PMM2: variants seen among roughly 807,000 people sequenced by gnomAD.
PMM2 encodes the protein phosphomannomutase 2.
In PMM2, 35 loss-of-function variants were observed where a neutral mutation model predicts 33.2. That is an observed-to-expected ratio of 1.06 (90% confidence interval 0.81 to 1.40). PMM2 has a LOEUF of 1.40. Among genes scored for constraint, PMM2 ranks in the 40% most tolerant of loss-of-function variants. The pLI is 0.00. For synonymous variants in PMM2, 153 were observed against 114.7 expected, an observed-to-expected ratio of 1.33 and a Z score of -2.13; for missense variants, 386 against 306.0, an observed-to-expected ratio of 1.26 and a Z score of -1.95.
Position 8,847,763 on chromosome 16 carries a change from A to G in PMM2, c.679A>G (p.Met227Val), listed in dbSNP as rs1472022080. 1 of 1,614,000 alleles carries G rather than the reference A, an allele frequency of 6.2e-7. No individual in the cohort carries two copies. Among genetic ancestry groups the G allele is most frequent in the African/African-American group, 1.3e-5 (1 of 75,016 alleles). ...TGAGATCTTCACAGACCCCAGAACC[A>G]TGGGCTACTCCGTGACAGCGCCTGA... ...DHEIFTDPRT[M>V]GYSVTAPEDT... Residue 227 changes from methionine (M) to valine (V), a missense_variant, in exon 8 of 8, where the codon ATG (methionine) becomes GTG (valine). By Grantham distance (21) the Met-to-Val change is conservative (BLOSUM62 1). Transcript: ENST00000268261.
intron 4 of PMM2, chr16:8,810,672 G>A: frequency 3.2e-6 from 1 of 313,618 alleles, no homozygotes; most frequent in East Asian, 8.9e-5. Context: ...TATCTCCCAG[G>A]CTCATGGAAT....
intron 7 of PMM2, among the ~76,000 whole-genome samples, chr16:8,837,392 A>C (rs771712060): frequency 6.6e-6 from 1 of 151,994 alleles, no homozygotes; most frequent in African/African-American, 2.4e-5. Context: ...TTTAGGTTTT[A>C]GGTCAGGTGT....
chr16:8,826,342 AC>A (rs1362098402), intron 7 of PMM2, among the ~76,000 whole-genome samples: 1 of 152,228 alleles, frequency 6.6e-6, no homozygotes, highest in Non-Finnish European at 1.5e-5. Context: ...TTAATTACAT[AC>A]CAAGTGCAGA....
At chr16:8,838,588 G>A (rs962599601) in intron 7 of PMM2, among the ~76,000 whole-genome samples, 2 of 151,932 alleles carry the variant, frequency 1.3e-5, no homozygotes, top group African/African-American at 4.8e-5. Flanking sequence ...GTGGTAAGGG[G>A]TGATATTGTG....
intron 1 of PMM2, among the ~76,000 whole-genome samples, chr16:8,798,363 C>G (rs760352989): frequency 2.0e-4 from 31 of 152,130 alleles, no homozygotes; most frequent in Non-Finnish European, 4.6e-4. Flanking sequence ...TCAAACCGAC[C>G]TAGTGGAGTC....
intron 4 of PMM2, chr16:8,809,153 A>C (rs1471911809): frequency 1.3e-5 from 2 of 152,234 alleles, no homozygotes; most frequent in Non-Finnish European, 2.9e-5. Context: ...ACAGCCTCCT[A>C]AGAGGCCACA....
rs1371941679 is a variant in PMM2, at chr16:8,801,902, GAAATGATGGT to G, written c.178+2_178+11del. On this transcript the variant is annotated splice_donor_variant and coding_sequence_variant, in exon 2 of 8. Coordinates refer to ENST00000268261, the MANE Select transcript of PMM2 (RefSeq NM_000303.3). LOFTEE classifies it high-confidence loss of function. The stretch of plus-strand genomic sequence containing the variant: ...TTTGAGAAAGTGCAGGAGCAACTGG[GAAATGATGGT>G]AAATGATGGGTTGCTAATTACATCT... 6.3e-7 allele frequency: 1 copy of G among 1,598,054 alleles called. No individual in the cohort carries two copies. The highest frequency in any genetic ancestry group is 8.6e-7 in the Non-Finnish European group (1 of 1,166,296).
rs141650659 is a variant in PMM2 at position 8,844,905 on chromosome 16, T to G, written c.640-2819T>G. Among the ~76,000 whole-genome samples the G allele has an allele frequency of 9.7e-4, 148 of 152,288 alleles. 2 individuals carry two copies. The highest frequency in any genetic ancestry group is 3.4e-3 in the African/African-American group (140 of 41,554). On this transcript the variant is annotated intron_variant, in intron 7 of 7. Coordinates refer to ENST00000268261, the MANE Select transcript of PMM2 (RefSeq NM_000303.3). ...TTGGATTTGAAATTGGTGAGATGTT[T>G]CTTGGGCTGGTGGGTCTGAGGACCT...
At position 8,811,621 on chromosome 16, in the gene PMM2, CTT is replaced by C. The variant is rs1000876069; in HGVS notation, c.448-13_448-12del. Reference sequence around the variant, plus strand: ...CTGCAATACAAGAAACAATTGGTATCTTTTTGTTTTTCTCAGAAAGAAAATAT... The same window carrying C: ...CTGCAATACAAGAAACAATTGGTATCTTTGTTTTTCTCAGAAAGAAAATAT... On this transcript the variant is annotated splice_polypyrimidine_tract_variant and intron_variant, in intron 5 of 7. Transcript: ENST00000268261. 2 of 1,557,980 alleles carry C rather than the reference CTT, an allele frequency of 1.3e-6. No homozygotes were observed. The highest frequency in any genetic ancestry group is 1.8e-6 in the Non-Finnish European group (2 of 1,128,968).
intron 7 of PMM2, among the ~76,000 whole-genome samples, chr16:8,826,298 A>G (rs532937984): frequency 1.3e-4 from 20 of 152,246 alleles, no homozygotes; most frequent in Admixed American, 3.9e-4. Flanking sequence ...TTTCTCTTTT[A>G]AAAAAACCCA....
intron 3 of PMM2, among the ~76,000 whole-genome samples, chr16:8,805,826 G>A (rs867690507): frequency 1.2e-4 from 19 of 152,118 alleles, no homozygotes; most frequent in African/African-American, 1.7e-4. Flanking sequence ...ATGACTTGAA[G>A]TCATCCACCT....
intron 7 of PMM2, among the ~76,000 whole-genome samples, chr16:8,816,476 C>G (rs564633201): frequency 2.1e-4 from 32 of 151,702 alleles, no homozygotes; most frequent in African/African-American, 7.5e-4. Context: ...TGCGGTGGCT[C>G]ACACCTATAA....
intron 7 of PMM2, chr16:8,832,025 C>A (rs1358904360): frequency 2.0e-6 from 1 of 511,128 alleles, no homozygotes; most frequent in Non-Finnish European, 2.5e-6. Flanking sequence ...TATGCAAATC[C>A]AGCATTTGAA....
intron 7 of PMM2, chr16:8,842,073 C>T (rs1312269381): frequency 3.3e-5 from 5 of 149,900 alleles, no homozygotes; most frequent in Non-Finnish European, 5.9e-5. Context: ...AGAAAGGCTA[C>T]AGGGTGTGGT....
intron 2 of PMM2, among the ~76,000 whole-genome samples, chr16:8,803,968 G>C (rs913928768): frequency 1.3e-5 from 2 of 150,346 alleles, no homozygotes; most frequent in Non-Finnish European, 2.9e-5. Context: ...ACAGGCATGA[G>C]TCACCGTGCC....
At chr16:8,827,148 G>A (rs759625682) in intron 7 of PMM2, among the ~76,000 whole-genome samples, 44 of 152,098 alleles carry the variant, frequency 2.9e-4, no homozygotes, top group Non-Finnish European at 4.0e-4. Context: ...GGGGTTTTAT[G>A]AGGAAAACAG....
At chr16:8,815,589 G>A (rs932304470) in intron 7 of PMM2, among the ~76,000 whole-genome samples, 5 of 152,046 alleles carry the variant, frequency 3.3e-5, no homozygotes, top group East Asian at 3.9e-4. Context: ...AGTTGTTTCC[G>A]TATCTTGGCC....
Position 8,828,347 on chromosome 16 carries a change from C to G in PMM2, c.639+15241C>G, listed in dbSNP as rs193088299. Among the ~76,000 whole-genome samples the G allele has an allele frequency of 4.2e-3, 634 of 152,162 alleles. 4 individuals carry two copies. Among genetic ancestry groups the G allele is most frequent in the South Asian group, 0.012 (57 of 4,822 alleles). On this transcript the variant is annotated intron_variant, in intron 7 of 7. Coordinates refer to ENST00000268261, the MANE Select transcript of PMM2 (RefSeq NM_000303.3). Reference sequence around the variant, plus strand: ...ATCAATAAATGGCACACAAAAAAAACTTACATAAATAACAAACCAGAGAGC... The same window carrying G: ...ATCAATAAATGGCACACAAAAAAAAGTTACATAAATAACAAACCAGAGAGC...
At chr16:8,806,647 A>G in intron 4 of PMM2, 3 of 559,824 alleles carry the variant, frequency 5.4e-6, no homozygotes, top group Middle Eastern at 9.8e-4. Context: ...TTCAGTAGCC[A>G]CCATGGGCCA....
Sources: allele counts gnomAD v4.1 joint callset (sites outside exome capture counted in the v4.1 genomes callset), GRCh38; gene constraint gnomAD v4.1.1; transcripts MANE v1.5; gene names NCBI Gene and HGNC (gene_info 2026-07-23, HGNC 2026-07-21).